Variants in AMDHD1 observed in about 807,000 individuals in gnomAD.
The protein encoded by AMDHD1 is probable imidazolonepropionase.
In AMDHD1, 45 loss-of-function variants were observed where a neutral mutation model predicts 44.1. That is an observed-to-expected ratio of 1.02 (90% CI 0.80 to 1.31). The LOEUF is 1.31. Ranked by LOEUF, AMDHD1 falls within the 50% of genes most tolerant of loss-of-function variation. The pLI is 0.00. For synonymous variants in AMDHD1, 206 were observed against 205.0 expected (o/e 1.00, Z -0.04); for missense variants, 586 against 552.1 (o/e 1.06, Z -0.61).
chr12:95,961,896 T>C (rs7487846), intron 5 of AMDHD1, among the ~76,000 whole-genome samples: 81,412 of 152,198 alleles, frequency 0.53, 22,395 homozygotes, highest in African/African-American at 0.66. Context: ...ACAAACCCTT[T>C]ACCCATTTGG....
At chr12:95,964,928 C>CAAAGAAAAAAAAAA (rs2080601422) in intron 6 of AMDHD1, among the ~76,000 whole-genome samples, 1 of 35,832 alleles carries the variant, frequency 2.8e-5, no homozygotes, top group Admixed American at 4.6e-4. Flanking sequence ...ATGTTTGAGG[C>CAAAGAAAAAAAAAA]AAAAAAAAAA....
intron 7 of AMDHD1, 135 bp downstream of exon 7, chr12:95,965,914 G>C (rs2080607854): frequency 1.6e-6 from 1 of 611,896 alleles, no homozygotes; most frequent in Non-Finnish European, 2.7e-6. Flanking sequence ...AAAAAAAGGG[G>C]TAGACAGCAG....
intron 1 of AMDHD1, among the ~76,000 whole-genome samples, chr12:95,951,595 A>G (rs1213943496): frequency 1.3e-5 from 2 of 152,198 alleles, no homozygotes; most frequent in Admixed American, 6.5e-5. Context: ...TTTCTTTTGC[A>G]TATAGATCTA....
At chr12:95,945,692 G>T (rs1592819638) in intron 1 of AMDHD1, among the ~76,000 whole-genome samples, 1 of 152,284 alleles carries the variant, frequency 6.6e-6, no homozygotes, top group Middle Eastern at 3.4e-3. Flanking sequence ...GTGTGAGTGT[G>T]TATAGGGAGA....
Position 95,948,670 on chromosome 12 carries a change from C to T in AMDHD1, c.138-4047C>T, listed in dbSNP as rs1307916837. ...TGAGAACGGGCCAGGATGACAATGG[C>T]GGCTTTGTGGAATAGAAAGGCGGGA... On this transcript the variant is annotated intron_variant, in intron 1 of 8. Coordinates refer to ENST00000266736, the MANE Select transcript of AMDHD1 (RefSeq NM_152435.3). Among the ~76,000 whole-genome samples the T allele has an allele frequency of 2.7e-5, 2 of 75,250 alleles. 1 individual carries two copies. Among genetic ancestry groups the T allele is most frequent in the Non-Finnish European group, 4.9e-5 (2 of 40,624 alleles). The allele number at this position is 75,250 out of a possible 152,430, so 49.4% of individuals were successfully genotyped here. A position where few individuals can be genotyped will look rare whatever the true frequency, so the allele number is the denominator to read the frequency against.
At chr12:95,945,491 T>C (rs2080491274) in intron 1 of AMDHD1, among the ~76,000 whole-genome samples, 1 of 152,238 alleles carries the variant, frequency 6.6e-6, no homozygotes, top group Non-Finnish European at 1.5e-5. Flanking sequence ...AATTATCTGG[T>C]TATTTGAGAT....
chr12:95,961,122 G>C (rs974140447), intron 5 of AMDHD1, among the ~76,000 whole-genome samples: 19 of 143,254 alleles, frequency 1.3e-4, no homozygotes, highest in African/African-American at 5.1e-4. Flanking sequence ...TCCAGCCTGG[G>C]GGACAGAGCA....
intron 8 of AMDHD1, among the ~76,000 whole-genome samples, chr12:95,967,159 G>A (rs1235256301): frequency 6.6e-6 from 1 of 152,226 alleles, no homozygotes; most frequent in Non-Finnish European, 1.5e-5. Context: ...AAGAGAGCGT[G>A]TGCAGGGGAA....
intron 4 of AMDHD1, among the ~76,000 whole-genome samples, chr12:95,959,071 A>AAAAG (rs2080566582): frequency 6.6e-6 from 1 of 152,110 alleles, no homozygotes; most frequent in Non-Finnish European, 1.5e-5. Context: ...AGAAGAAAAA[A>AAAAG]AAAAGAAAAG....
chr12:95,949,300 A>C (rs910199514), intron 1 of AMDHD1, among the ~76,000 whole-genome samples: 2 of 152,212 alleles, frequency 1.3e-5, no homozygotes, highest in Non-Finnish European at 2.9e-5. Flanking sequence ...TGCCAATTCT[A>C]AATTTTCACA....
intron 6 of AMDHD1, among the ~76,000 whole-genome samples, chr12:95,964,930 A>AAAAAAAAAG (rs2080601832): frequency 6.9e-6 from 1 of 144,158 alleles, no homozygotes; most frequent in Admixed American, 6.9e-5. Context: ...GTTTGAGGCA[A>AAAAAAAAAG]AAAAAAAAAA....
chr12:95,948,339 C>G (rs1422513441), intron 1 of AMDHD1, among the ~76,000 whole-genome samples: 1 of 70,658 alleles, frequency 1.4e-5, no homozygotes, highest in Non-Finnish European at 2.6e-5. Flanking sequence ...CCCGGCCAGC[C>G]GCCCCGTCTG....
At chr12:95,957,347 T>G (rs970509612) in intron 4 of AMDHD1, among the ~76,000 whole-genome samples, 10 of 152,304 alleles carry the variant, frequency 6.6e-5, no homozygotes, top group South Asian at 6.2e-4. Flanking sequence ...GTGGTCTAGG[T>G]GACTCAAAGG....
Position 95,943,548 on chromosome 12 carries a change from G to A in AMDHD1, c.137+13G>A. The A allele has an allele frequency of 6.9e-7, 1 of 1,441,054 alleles. No homozygotes were observed. Among genetic ancestry groups the A allele is most frequent in the Non-Finnish European group, 9.1e-7 (1 of 1,099,356 alleles). 89.3% of individuals were successfully genotyped at this position (1,441,054 alleles called of 1,614,324 possible). A position where few individuals can be genotyped will look rare whatever the true frequency, so the allele number is the denominator to read the frequency against. ...TGGTGGTGGGCAAGTAAGTGGCCGGGCGCGCAGGGTGGGGACCGCCACGGG... is the reference window on the plus strand; with the variant it reads ...TGGTGGTGGGCAAGTAAGTGGCCGGACGCGCAGGGTGGGGACCGCCACGGG... On this transcript the variant is annotated intron_variant, in intron 1 of 8. Coordinates refer to ENST00000266736, the MANE Select transcript of AMDHD1 (RefSeq NM_152435.3).
Position 95,948,600 on chromosome 12 carries a change from C to G in AMDHD1, c.138-4117C>G, listed in dbSNP as rs1258168652. Among the ~76,000 whole-genome samples the G allele has an allele frequency of 3.1e-4, 26 of 83,084 alleles. 8 individuals are homozygous for G. The highest frequency in any genetic ancestry group is 5.6e-4 in the Non-Finnish European group (24 of 42,550). 54.5% of individuals were successfully genotyped at this position (83,084 alleles called of 152,430 possible). ...CCCGTCCGGGAGGTGAGGGGCGCCT[C>G]TGCCCAGCCACCACCCCGTCTGGGA... is the stretch of plus-strand genomic sequence containing the variant. On this transcript the variant is annotated intron_variant, in intron 1 of 8. Transcript: ENST00000266736.
chr12:95,946,059 C>CTGTGTGTGTGTG lies in AMDHD1; in HGVS notation c.137+2525_137+2526insGTGTGTGTGTGT, dbSNP rs62886262. Among the ~76,000 whole-genome samples the CTGTGTGTGTGTG allele has an allele frequency of 1.7e-4, 24 of 142,620 alleles. No individual in the cohort carries two copies. In the South Asian group the frequency reaches 4.5e-3, roughly 27 times the overall value. 93.6% of individuals were successfully genotyped at this position (142,620 alleles called of 152,430 possible). ...TAAATTAAGTTCTCTCTCTCTTTCT[C>CTGTGTGTGTGTG]TCTGTGTGTGTGTGTGTGTGTGTGT... On this transcript the variant is annotated intron_variant, in intron 1 of 8. Coordinates refer to ENST00000266736, the MANE Select transcript of AMDHD1 (RefSeq NM_152435.3).
At chr12:95,952,683 C>A (rs745526229) in intron 1 of AMDHD1, 34 bp from the exon 2 acceptor site, 13 of 1,401,860 alleles carry the variant, frequency 9.3e-6, no homozygotes, top group Non-Finnish European at 1.2e-5. Context: ...AAGATTTCCC[C>A]AAATTTAATA....
intron 5 of AMDHD1, among the ~76,000 whole-genome samples, chr12:95,961,068 CTG>C: frequency 6.7e-6 from 1 of 149,776 alleles, no homozygotes; most frequent in South Asian, 2.1e-4. Context: ...ATTGCTTGAA[CTG>C]GGAGGCACAG....
Position 95,943,391 on chromosome 12 carries a change from G to T in AMDHD1, c.-8G>T. ...GTGGCCTCCCGGCGACCCTCGGCGC[G>T]AGGCGACATGGCAAGCGGCCACAGC... On this transcript the variant is annotated 5_prime_UTR_variant, in exon 1 of 9. Coordinates refer to ENST00000266736, the MANE Select transcript of AMDHD1 (RefSeq NM_152435.3). The T allele has an allele frequency of 1.3e-6, 2 of 1,489,318 alleles. No homozygotes were observed. Among genetic ancestry groups the T allele is most frequent in the Non-Finnish European group, 1.8e-6 (2 of 1,126,126 alleles). 92.3% of individuals were successfully genotyped at this position (1,489,318 alleles called of 1,614,324 possible).
Sources: gnomAD v4.1 joint callset for allele counts (sites outside exome capture counted in the v4.1 genomes callset) on GRCh38, gnomAD v4.1.1 for gene constraint, MANE v1.5 for transcripts, NCBI Gene and HGNC (gene_info 2026-07-23, HGNC 2026-07-21) for gene names.